TEX13D: variants seen among roughly 807,000 people sequenced by gnomAD.
TEX13D encodes testis-expressed protein 13D.
For synonymous variants in TEX13D, 115 were observed against 104.5 expected (o/e 1.10, Z -0.61); for missense variants, 261 against 265.8 (o/e 0.98, Z 0.12).
In TEX13D at chrX:124,332,917, C is replaced by T. The variant is rs963586915; in HGVS notation, c.-1C>T. 17 of 350,036 alleles carry T rather than the reference C, an allele frequency of 4.9e-5. No individual in the cohort carries two copies. Among genetic ancestry groups the T allele is most frequent in the Admixed American group, 2.2e-4 (4 of 18,300 alleles). The allele number at this position is 350,036 out of a possible 1,213,427, so 28.8% of individuals were successfully genotyped here. On this transcript the variant is annotated 5_prime_UTR_variant, in exon 1 of 1. Transcript: ENST00000632372. Reference sequence around the variant, plus strand: ...AGCTGCTTGACTAGGCCACAGCCGCCATGGCGATGAATTTTGGGGACCATG... The same window carrying T: ...AGCTGCTTGACTAGGCCACAGCCGCTATGGCGATGAATTTTGGGGACCATG...
In TEX13D at chrX:124,332,852, C is replaced by T. The variant is rs2059963953; in HGVS notation, c.-66C>T. ...ACTGGTTGTCGGCAGCAGCCGGTACCGGAAGTGGCGGCAGCAGCTGAGGCG... is the reference window on the plus strand; with the variant it reads ...ACTGGTTGTCGGCAGCAGCCGGTACTGGAAGTGGCGGCAGCAGCTGAGGCG... On this transcript the variant is annotated 5_prime_UTR_variant, in exon 1 of 1. Coordinates refer to ENST00000632372, the MANE Select transcript of TEX13D (RefSeq NM_001355534.2). 5.8e-6 allele frequency: 2 copies of T among 342,327 alleles called. No individual in the cohort carries two copies. The highest frequency in any genetic ancestry group is 1.0e-5 in the Non-Finnish European group (2 of 198,948). 28.2% of individuals were successfully genotyped at this position (342,327 alleles called of 1,213,427 possible).
rs1376943331 is a variant in TEX13D, at chrX:124,332,716, G to A, written c.-202G>A. 4 of 276,956 alleles carry A rather than the reference G, an allele frequency of 1.4e-5. No homozygotes were observed. The highest frequency in any genetic ancestry group is 2.5e-5 in the Non-Finnish European group (4 of 158,239). 22.8% of individuals were successfully genotyped at this position (276,956 alleles called of 1,213,427 possible). ...CGGTAGGGTTCGGTGTGGCGAGGGG[G>A]ACCTGCTTCTCTCTTTGTGAGAACC... On this transcript the variant is annotated 5_prime_UTR_variant, in exon 1 of 1. Transcript: ENST00000632372.
rs2059967808 is a variant in TEX13D at position 124,334,062 on chromosome X, G to A, written c.1145G>A (p.Arg382Lys). Residue 382 changes from arginine to lysine, a missense_variant, in exon 1 of 1, where the codon AGG (arginine) becomes AAG (lysine). Coordinates refer to ENST00000632372, the MANE Select transcript of TEX13D (RefSeq NM_001355534.2). The stretch of plus-strand genomic sequence containing the variant: ...AAAGAAGGTCCAAAGAGGGCCCGGA[G>A]GATGCACACCCTGGTGTTTCGCAGG... The part of the protein sequence containing the change: ...NQKEGPKRAR[R>K]MHTLVFRRSH... The A allele has an allele frequency of 1.1e-6, 1 of 936,905 alleles. No individual in the cohort carries two copies. Among genetic ancestry groups the A allele is most frequent in the Non-Finnish European group, 1.3e-6 (1 of 755,855 alleles). 77.2% of individuals were successfully genotyped at this position (936,905 alleles called of 1,213,427 possible).
Position 124,333,517 on chromosome X carries a change from G to A in TEX13D, c.600G>A (p.Pro200=). The change falls in exon 1 of 1, where the codon CCG becomes CCA. Residue 200 remains proline (P), a synonymous_variant. Transcript: ENST00000632372. ...GTHANAQMPT[P]TDVLYVPGPL... is the part of the protein sequence containing the mutation. Reference sequence around the variant, plus strand: ...ATGCTAATGCCCAGATGCCAACCCCGACAGATGTTCTTTATGTGCCAGGAC... The same window carrying A: ...ATGCTAATGCCCAGATGCCAACCCCAACAGATGTTCTTTATGTGCCAGGAC... The A allele has an allele frequency of 3.3e-6, 1 of 301,141 alleles. No individual in the cohort carries two copies. The allele number at this position is 301,141 out of a possible 1,213,427, so 24.8% of individuals were successfully genotyped here.
In TEX13D at chrX:124,333,742, C is replaced by A. The variant is rs1348116589; in HGVS notation, c.825C>A (p.Gly275=). The part of the protein sequence containing the change: ...IHPPCPWPAV[G]FQEEMAPLWY... ...CACCTTGCCCGTGGCCTGCAGTGGG[C>A]TTCCAGGAGGAGATGGCCCCTCTGT... is the stretch of plus-strand genomic sequence containing the variant. Residue 275 remains glycine, a synonymous_variant, in exon 1 of 1, where the codon GGC becomes GGA. Transcript: ENST00000632372. The A allele has an allele frequency of 3.0e-5, 9 of 296,165 alleles. No homozygotes were observed. Among genetic ancestry groups the A allele is most frequent in the Non-Finnish European group, 4.1e-5 (7 of 170,209 alleles). 24.4% of individuals were successfully genotyped at this position (296,165 alleles called of 1,213,427 possible). A position where few individuals can be genotyped will look rare whatever the true frequency, so the allele number is the denominator to read the frequency against.
rs2059964215 is a variant in TEX13D at position 124,332,908 on chromosome X, C to T, written c.-10C>T. On this transcript the variant is annotated 5_prime_UTR_variant, in exon 1 of 1. Transcript: ENST00000632372. ...CCGTGAGGCAGCTGCTTGACTAGGC[C>T]ACAGCCGCCATGGCGATGAATTTTG... The T allele has an allele frequency of 2.8e-6, 1 of 352,266 alleles. No individual in the cohort carries two copies. Among genetic ancestry groups the T allele is most frequent in the Middle Eastern group, 4.4e-4 (1 of 2,279 alleles). 29.0% of individuals were successfully genotyped at this position (352,266 alleles called of 1,213,427 possible).
chrX:124,336,096 A>C lies in TEX13D; in HGVS notation c.*1034A>C, dbSNP rs1472592522. On this transcript the variant is annotated 3_prime_UTR_variant, in exon 1 of 1. Transcript: ENST00000632372. Reference sequence around the variant, plus strand: ...TAGGAGAGAGCATAATTTGGGATACAAATTAGATCAGGGGTATCTTCTTTG... The same window carrying C: ...TAGGAGAGAGCATAATTTGGGATACCAATTAGATCAGGGGTATCTTCTTTG... 2 of 112,189 alleles carry C rather than the reference A, an allele frequency of 1.8e-5. No individual in the cohort carries two copies. The highest frequency in any genetic ancestry group is 3.8e-5 in the Non-Finnish European group (2 of 53,298). The allele number at this position is 112,189 out of a possible 1,213,427, so 9.2% of individuals were successfully genotyped here. A position where few individuals can be genotyped will look rare whatever the true frequency, so the allele number is the denominator to read the frequency against.
In TEX13D at chrX:124,333,937, G is replaced by C. The variant is rs949615131; in HGVS notation, c.1020G>C (p.Gly340=). The C allele has an allele frequency of 1.9e-5, 13 of 667,501 alleles. No individual in the cohort carries two copies. The highest frequency in any genetic ancestry group is 2.5e-5 in the Non-Finnish European group (13 of 511,344). 55.0% of individuals were successfully genotyped at this position (667,501 alleles called of 1,213,427 possible). A position where few individuals can be genotyped will look rare whatever the true frequency, so the allele number is the denominator to read the frequency against. Residue 340 remains glycine, a synonymous_variant, in exon 1 of 1, where the codon GGG becomes GGC. Coordinates refer to ENST00000632372, the MANE Select transcript of TEX13D (RefSeq NM_001355534.2). ...ACCCGCTGTCAGAGAGTCCCCAGGG[G>C]ACAGCCCCACTGGGGAGCAGCGGAT... is the stretch of plus-strand genomic sequence containing the variant. ...CHNPLSESPQ[G]TAPLGSSGCH... is the part of the protein sequence containing the mutation.
chrX:124,332,966 G>A lies in TEX13D; in HGVS notation c.49G>A (p.Val17Met). The change falls in exon 1 of 1, where the codon GTG (valine) becomes ATG (methionine). Residue 17 changes from valine (V) to methionine (M), a missense_variant. Coordinates refer to ENST00000632372, the MANE Select transcript of TEX13D (RefSeq NM_001355534.2). ...DHASGFRHND[V>M]IRFINNEVLM... ...TGCCAGCGGCTTCCGCCACAATGAT[G>A]TGATCAGGTTCATTAACAATGAAGT... is the stretch of plus-strand genomic sequence containing the variant. The A allele has an allele frequency of 2.5e-6, 1 of 396,330 alleles. No homozygotes were observed. Among genetic ancestry groups the A allele is most frequent in the Non-Finnish European group, 4.4e-6 (1 of 227,626 alleles). The allele number at this position is 396,330 out of a possible 1,213,427, so 32.7% of individuals were successfully genotyped here.
rs2059969202 is a variant in TEX13D, at chrX:124,334,372, G to T, written c.1455G>T (p.Gly485=). Reference sequence around the variant, plus strand: ...AAGGAAGCCCAGAGAGGGCCCAGGGGATGGCCACCCTGGTGTTTAGCAGGA... The same window carrying T: ...AAGGAAGCCCAGAGAGGGCCCAGGGTATGGCCACCCTGGTGTTTAGCAGGA... ...SQEGSPERAQ[G]MATLVFSRSC... is the part of the protein sequence containing the mutation. The change falls in exon 1 of 1, where the codon GGG becomes GGT. Residue 485 remains glycine, a synonymous_variant. Coordinates refer to ENST00000632372, the MANE Select transcript of TEX13D (RefSeq NM_001355534.2). The T allele has an allele frequency of 2.3e-6, 1 of 442,811 alleles. No homozygotes were observed. The highest frequency in any genetic ancestry group is 1.5e-4 in the Admixed American group (1 of 6,574). The allele number at this position is 442,811 out of a possible 1,213,427, so 36.5% of individuals were successfully genotyped here.
Position 124,333,999 on chromosome X carries a change from G to A in TEX13D, c.1082G>A (p.Gly361Glu), listed in dbSNP as rs1318845508. The A allele has an allele frequency of 1.7e-5, 16 of 928,514 alleles. No homozygotes were observed. Among genetic ancestry groups the A allele is most frequent in the Non-Finnish European group, 2.1e-5 (16 of 749,769 alleles). 76.5% of individuals were successfully genotyped at this position (928,514 alleles called of 1,213,427 possible). A position where few individuals can be genotyped will look rare whatever the true frequency, so the allele number is the denominator to read the frequency against. Reference protein sequence around the residue: ...SQEEGTEGPQGMDPLGNRERQ... With the variant: ...SQEEGTEGPQEMDPLGNRERQ... ...GAAGAAGGTACAGAAGGACCCCAGGGGATGGATCCCCTGGGGAACAGAGAG... is the reference window on the plus strand; with the variant it reads ...GAAGAAGGTACAGAAGGACCCCAGGAGATGGATCCCCTGGGGAACAGAGAG... Residue 361 changes from glycine to glutamate, a missense_variant, in exon 1 of 1, where the codon GGG becomes GAG. Physicochemically the swap from Gly to Glu is moderately conservative, Grantham distance 98 (BLOSUM62 -2). Coordinates refer to ENST00000632372, the MANE Select transcript of TEX13D (RefSeq NM_001355534.2).
rs1397165127 is a variant in TEX13D at position 124,333,075 on chromosome X, T to C, written c.158T>C (p.Ile53Thr). The C allele has an allele frequency of 6.4e-6, 3 of 468,622 alleles. No individual in the cohort carries two copies. The highest frequency in any genetic ancestry group is 1.1e-5 in the Non-Finnish European group (3 of 265,518). The allele number at this position is 468,622 out of a possible 1,213,427, so 38.6% of individuals were successfully genotyped here. ...GAGGTAGAGGACAGCCTTCAGGCCA[T>C]TGTGGCCGACTCTCAGGTGCCGCGC... Reference protein sequence around the residue: ...WNEVEDSLQAIVADSQVPRAI... With the variant: ...WNEVEDSLQATVADSQVPRAI... Residue 53 changes from isoleucine to threonine, a missense_variant, in exon 1 of 1, where the codon ATT becomes ACT. Ile to Thr is a moderately conservative substitution (Grantham distance 89). Coordinates refer to ENST00000632372, the MANE Select transcript of TEX13D (RefSeq NM_001355534.2).
In TEX13D at chrX:124,334,889, C is replaced by G. The variant is rs1406177348; in HGVS notation, c.1972C>G (p.Pro658Ala). Residue 658 changes from proline to alanine, a missense_variant, in exon 1 of 1, where the codon CCA becomes GCA. Transcript: ENST00000632372. The stretch of plus-strand genomic sequence containing the variant: ...ACCTCAGAGGCAGAAGGCCAAGAAA[C>G]CAAAAGTGAATAAAGTCTCGGGATC... ...WQPQRQKAKK[P>A]KVNKVSGSQQ... 1 of 937,962 alleles carries G rather than the reference C, an allele frequency of 1.1e-6. No homozygotes were observed. The highest frequency in any genetic ancestry group is 1.3e-6 in the Non-Finnish European group (1 of 756,325). The allele number at this position is 937,962 out of a possible 1,213,427, so 77.3% of individuals were successfully genotyped here.
Position 124,335,138 on chromosome X carries a change from T to C in TEX13D, c.*76T>C, listed in dbSNP as rs1008626381. The stretch of plus-strand genomic sequence containing the variant: ...CTAAGACCCTCTTCTGATTAAAGTA[T>C]AACTTATTTACTTCACAGAAAAATT... On this transcript the variant is annotated 3_prime_UTR_variant, in exon 1 of 1. Coordinates refer to ENST00000632372, the MANE Select transcript of TEX13D (RefSeq NM_001355534.2). 2.8e-6 allele frequency: 2 copies of C among 719,154 alleles called. No individual in the cohort carries two copies. Among genetic ancestry groups the C allele is most frequent in the Non-Finnish European group, 3.6e-6 (2 of 557,620 alleles). 59.3% of individuals were successfully genotyped at this position (719,154 alleles called of 1,213,427 possible).
rs1266873970 is a variant in TEX13D at position 124,333,352 on chromosome X, G to C, written c.435G>C (p.Arg145Ser). The change falls in exon 1 of 1, where the codon AGG becomes AGC. Residue 145 changes from arginine (R) to serine (S), a missense_variant. Coordinates refer to ENST00000632372, the MANE Select transcript of TEX13D (RefSeq NM_001355534.2). ...ALNERDGLYG[R>S]LLQIERFPQA... ...ATGAGCGTGATGGGCTGTACGGGAG[G>C]CTGCTCCAGATCGAGAGGTTTCCCC... 1 of 367,649 alleles carries C rather than the reference G, an allele frequency of 2.7e-6. No individual in the cohort carries two copies. The highest frequency in any genetic ancestry group is 5.3e-5 in the Admixed American group (1 of 18,891). 30.3% of individuals were successfully genotyped at this position (367,649 alleles called of 1,213,427 possible). A position where few individuals can be genotyped will look rare whatever the true frequency, so the allele number is the denominator to read the frequency against.
Position 124,334,697 on chromosome X carries a change from G to C in TEX13D, c.1780G>C (p.Asp594His), listed in dbSNP as rs999861706. Residue 594 changes from aspartate (D) to histidine (H), a missense_variant, in exon 1 of 1, where the codon GAC becomes CAC. By Grantham distance (81) the Asp-to-His change is moderately conservative. Coordinates refer to ENST00000632372, the MANE Select transcript of TEX13D (RefSeq NM_001355534.2). ...GCCCCAGAGGATTGTCCTCCAGGGA[G>C]ACAACAGAAGCTATAGCCAGGAAGG... ...EGPQRIVLQG[D>H]NRSYSQEGSR... 2.5e-4 allele frequency: 235 copies of C among 922,822 alleles called. 2 individuals are homozygous for C. Among genetic ancestry groups the C allele is most frequent in the Non-Finnish European group, 3.1e-4 (232 of 750,083 alleles). 76.1% of individuals were successfully genotyped at this position (922,822 alleles called of 1,213,427 possible).
rs936387397 is a variant in TEX13D at position 124,333,126 on chromosome X, G to C, written c.209G>C (p.Ser70Thr). 4.5e-6 allele frequency: 2 copies of C among 442,536 alleles called. No homozygotes were observed. Among genetic ancestry groups the C allele is most frequent in the Non-Finnish European group, 7.9e-6 (2 of 254,001 alleles). 36.5% of individuals were successfully genotyped at this position (442,536 alleles called of 1,213,427 possible). ...GCCATCAAGAGGGCCTGTACCTGGAGCGCTTTGGCTTTGAGCGTGCGAGTG... is the reference window on the plus strand; with the variant it reads ...GCCATCAAGAGGGCCTGTACCTGGACCGCTTTGGCTTTGAGCGTGCGAGTG... ...PRAIKRACTW[S>T]ALALSVRVAT... The change falls in exon 1 of 1, where the codon AGC becomes ACC. Residue 70 changes from serine (S) to threonine (T), a missense_variant. Transcript: ENST00000632372.
At position 124,334,980 on chromosome X, in the gene TEX13D, C is replaced by T; in HGVS notation, c.2063C>T (p.Ala688Val). The T allele has an allele frequency of 1.1e-6, 1 of 938,472 alleles. No individual in the cohort carries two copies. The highest frequency in any genetic ancestry group is 1.3e-6 in the Non-Finnish European group (1 of 756,310). The allele number at this position is 938,472 out of a possible 1,213,427, so 77.3% of individuals were successfully genotyped here. ...AATTGGAAATGCCCATGGTGTAAAG[C>T]CATTAATTTTTCATGGCGTACGGCC... The part of the protein sequence containing the change: ...PVNWKCPWCK[A>V]INFSWRTACY... Residue 688 changes from alanine (A) to valine (V), a missense_variant, in exon 1 of 1, where the codon GCC becomes GTC. Ala to Val is a moderately conservative substitution (Grantham distance 64). Transcript: ENST00000632372.
chrX:124,333,300 C>CGCAGGCTGCCCTGCA lies in TEX13D; in HGVS notation c.390_404dup (p.Ala131_Ala135dup). 2.4e-6 allele frequency: 1 copy of CGCAGGCTGCCCTGCA among 419,903 alleles called. No individual in the cohort carries two copies. Among genetic ancestry groups the CGCAGGCTGCCCTGCA allele is most frequent in the Admixed American group, 4.3e-5 (1 of 23,208 alleles). The allele number at this position is 419,903 out of a possible 1,213,427, so 34.6% of individuals were successfully genotyped here. On this transcript the variant is annotated inframe_insertion, in exon 1 of 1. Coordinates refer to ENST00000632372, the MANE Select transcript of TEX13D (RefSeq NM_001355534.2). ...GTGGCGGCAACACAGCTGCACCTCG[C>CGCAGGCTGCCCTGCA]GCAGGCTGCCCTGCAGCAGGCGCTG...
Sources: allele counts gnomAD v4.1 joint callset, GRCh38; gene constraint gnomAD v4.1.1; transcripts MANE v1.5; gene names NCBI Gene and HGNC (gene_info 2026-07-23, HGNC 2026-07-21).